Variants in CYTH2 observed in about 807,000 individuals in gnomAD.
CYTH2 encodes the protein cytohesin-2.
In CYTH2, 24 loss-of-function variants were observed where a neutral mutation model predicts 55.4. The ratio of observed to expected loss-of-function variants is 0.43; its 90% CI spans 0.31 to 0.61. The LOEUF is 0.61. CYTH2 is among the 20% of genes least tolerant of loss of function. The pLI, the probability that CYTH2 is intolerant of heterozygous loss-of-function variation, is 0.08. For missense variants in CYTH2, 378 were observed against 533.5 expected (o/e 0.71, Z 2.87); for synonymous variants, 221 against 209.6 (o/e 1.05, Z -0.47).
At chr19:48,475,785 G>A (rs1370666243) in intron 8 of CYTH2, 2 of 220,274 alleles carry the variant, frequency 9.1e-6, no homozygotes, top group South Asian at 4.4e-5. Flanking sequence ...TAAGCTCCTC[G>A]GGTGCTCCCA....
chr19:48,478,840 A>G (rs1328911453), intron 11 of CYTH2, among the ~76,000 whole-genome samples: 2 of 68,986 alleles, frequency 2.9e-5, no homozygotes, highest in African/African-American at 1.0e-4. Context: ...CTGACGGAGG[A>G]GGGGCCGGGG....
At chr19:48,472,241 T>C (rs1971812487) in intron 3 of CYTH2, 84 bp from the exon 4 acceptor site, 1 of 1,190,920 alleles carries the variant, frequency 8.4e-7, no homozygotes, top group Non-Finnish European at 1.2e-6. Context: ...AGGGTGGGGG[T>C]AGGTCTGGAT....
At chr19:48,476,253 TATA>T in intron 8 of CYTH2, 1 of 225,418 alleles carries the variant, frequency 4.4e-6, no homozygotes. Context: ...ACCTGGGCAA[TATA>T]ATGATACCCC....
rs777666067 is a variant in CYTH2, at chr19:48,478,284, C to T, written c.895C>T (p.Pro299Ser). ...YYFEYTTDKE[P>S]RGIIPLENLS... ...CACCTTGCTTCTTCAGGACAAGGAG[C>T]CCCGAGGAATCATCCCCCTGGAGAA... is the stretch of plus-strand genomic sequence containing the variant. Residue 299 changes from proline to serine, a missense_variant, in exon 10 of 12, where the codon CCC (proline) becomes TCC (serine). Pro to Ser is a moderately conservative substitution (Grantham distance 74, BLOSUM62 -1). Coordinates refer to ENST00000452733, the MANE Select transcript of CYTH2 (RefSeq NM_004228.7). The T allele has an allele frequency of 6.2e-7, 1 of 1,613,664 alleles. No homozygotes were observed. Among genetic ancestry groups the T allele is most frequent in the South Asian group, 1.1e-5 (1 of 91,066 alleles).
In CYTH2 at chr19:48,479,634, G is replaced by T. The variant is rs1972011855; in HGVS notation, c.*424G>T. 1.1e-5 allele frequency: 2 copies of T among 184,372 alleles called. No homozygotes were observed. The highest frequency in any genetic ancestry group is 2.3e-5 in the African/African-American group (1 of 42,804). 11.4% of individuals were successfully genotyped at this position (184,372 alleles called of 1,614,324 possible). ...TAGAATGCAGGGATTCAGGGTCAAG[G>T]TCTAGCATTCATTCTAGAAGTTACT... On this transcript the variant is annotated 3_prime_UTR_variant, in exon 12 of 12. Transcript: ENST00000452733.
At chr19:48,469,633 C>A in intron 1 of CYTH2, 107 bp downstream of exon 1, 1 of 1,344,852 alleles carries the variant, frequency 7.4e-7, no homozygotes, top group Non-Finnish European at 9.6e-7. Context: ...AAGCGTTCGG[C>A]TCAGTCGTAG....
rs1972013303 is a variant in CYTH2 at position 48,479,723 on chromosome 19, T to A, written c.*513T>A. 6.3e-6 allele frequency: 1 copy of A among 158,184 alleles called. No homozygotes were observed. The allele number at this position is 158,184 out of a possible 1,614,324, so 9.8% of individuals were successfully genotyped here. A position where few individuals can be genotyped will look rare whatever the true frequency, so the allele number is the denominator to read the frequency against. On this transcript the variant is annotated 3_prime_UTR_variant, in exon 12 of 12. Transcript: ENST00000452733. Reference sequence around the variant, plus strand: ...GTTCCCATCGTTGCTTTCATGGGGCTTGAGGTCTTTGAGGGGCAGGAGATG... The same window carrying A: ...GTTCCCATCGTTGCTTTCATGGGGCATGAGGTCTTTGAGGGGCAGGAGATG...
At position 48,472,550 on chromosome 19, in the gene CYTH2, C is replaced by G. The variant is rs79525710; in HGVS notation, c.353+107C>G. 1.1e-5 allele frequency: 10 copies of G among 894,726 alleles called. 1 individual carries two copies. In the South Asian group the frequency reaches 1.3e-4, roughly 11 times the overall value. 55.4% of individuals were successfully genotyped at this position (894,726 alleles called of 1,614,324 possible). On this transcript the variant is annotated intron_variant, in intron 4 of 11. Coordinates refer to ENST00000452733, the MANE Select transcript of CYTH2 (RefSeq NM_004228.7). Reference sequence around the variant, plus strand: ...AGGTGGAACAGCCCTGCAGCCTCCCCGCAGAGGGGCCCTGGCAGATCAGCC... The same window carrying G: ...AGGTGGAACAGCCCTGCAGCCTCCCGGCAGAGGGGCCCTGGCAGATCAGCC...
chr19:48,472,896 C>G (rs1280358134), intron 4 of CYTH2: 1 of 308,188 alleles, frequency 3.2e-6, no homozygotes, highest in African/African-American at 2.2e-5. Flanking sequence ...TGGAGGCCAT[C>G]TGTGGACGTC....
At chr19:48,475,278 T>G in intron 8 of CYTH2, 2 of 299,858 alleles carry the variant, frequency 6.7e-6, no homozygotes, top group Non-Finnish European at 1.2e-5. Flanking sequence ...CACTCAGGCT[T>G]CTTTCCACTG....
Position 48,474,383 on chromosome 19 carries a change from C to A in CYTH2, c.696+53C>A. On this transcript the variant is annotated intron_variant, in intron 7 of 11. Coordinates refer to ENST00000452733, the MANE Select transcript of CYTH2 (RefSeq NM_004228.7). This position sits in a 1 kb window ranked among gnomAD's most constrained non-coding sequence, Gnocchi z 4.9. The stretch of plus-strand genomic sequence containing the variant: ...CCTGCCCCTCTTCCTGCCACAGACA[C>A]CCCCGCCCCACCTGTGGTCTCCTAG... 1 of 1,522,952 alleles carries A rather than the reference C, an allele frequency of 6.6e-7. No homozygotes were observed. The highest frequency in any genetic ancestry group is 2.1e-5 in the Admixed American group (1 of 47,954). The allele number at this position is 1,522,952 out of a possible 1,614,324, so 94.3% of individuals were successfully genotyped here. A position where few individuals can be genotyped will look rare whatever the true frequency, so the allele number is the denominator to read the frequency against.
chr19:48,476,942 C>T (rs1319748883), intron 8 of CYTH2: 1 of 152,258 alleles, frequency 6.6e-6, no homozygotes, highest in Non-Finnish European at 1.5e-5. Flanking sequence ...GAGGCTCACG[C>T]CTCAGTTTGG....
intron 1 of CYTH2, chr19:48,469,993 C>G: frequency 1.8e-6 from 1 of 562,466 alleles, no homozygotes; most frequent in Non-Finnish European, 3.5e-6. Flanking sequence ...AGGTCCCCAG[C>G]TACCTCGCCA....
At chr19:48,472,471 G>GCCCCCCCCCCCCCCCCCCCCCCCC in intron 4 of CYTH2, 28 bp downstream of exon 4, 5 of 1,584,672 alleles carry the variant, frequency 3.2e-6, no homozygotes, top group Non-Finnish European at 3.4e-6. Flanking sequence ...CTCCTGTGGG[G>GCCCCCCCCCCCCCCCCCCCCCCCC]CCCCTCCCTC....
chr19:48,478,182 C>G, intron 9 of CYTH2, 37 bp downstream of exon 9: 1 of 1,612,334 alleles, frequency 6.2e-7, no homozygotes, highest in South Asian at 1.1e-5. Context: ...GGGTCCTGGG[C>G]GGAGTGGCTG....
chr19:48,473,445 A>G, intron 5 of CYTH2, 67 bp downstream of exon 5: 1 of 1,512,354 alleles, frequency 6.6e-7, no homozygotes, highest in Non-Finnish European at 9.2e-7. Context: ...GTTACAAGTG[A>G]CAAACCTTAC....
chr19:48,474,209 T>C lies in CYTH2; in HGVS notation c.575T>C (p.Val192Ala), dbSNP rs1453638328. ...TDTCYVLSFA[V>A]IMLNTSLHNP... ...ACGTGCTATGTGCTGTCCTTCGCCG[T>C]CATCATGCTCAACACCAGTCTCCAC... The change falls in exon 7 of 12, where the codon GTC becomes GCC. Residue 192 changes from valine to alanine, a missense_variant. By Grantham distance (64) the Val-to-Ala change is moderately conservative. Transcript: ENST00000452733. The surrounding 1 kb of genome is among the most constrained non-coding windows in gnomAD (Gnocchi z 4.9). 1 of 1,608,806 alleles carries C rather than the reference T, an allele frequency of 6.2e-7. No individual in the cohort carries two copies. Among genetic ancestry groups the C allele is most frequent in the South Asian group, 1.1e-5 (1 of 90,294 alleles).
chr19:48,477,760 G>C, intron 8 of CYTH2: 1 of 421,224 alleles, frequency 2.4e-6, no homozygotes, highest in Non-Finnish European at 4.3e-6. Context: ...CACTAGACGA[G>C]GGGAGGGGGC....
chr19:48,478,945 G>C (rs1206859540), intron 11 of CYTH2, among the ~76,000 whole-genome samples, 178 bp from the exon 12 acceptor site: 10 of 137,374 alleles, frequency 7.3e-5, no homozygotes, highest in African/African-American at 1.7e-4. Context: ...CTGGGTCTGA[G>C]GGAGGAGGGG....
Sources: allele counts gnomAD v4.1 joint callset (sites outside exome capture counted in the v4.1 genomes callset), GRCh38; gene constraint gnomAD v4.1.1; non-coding constraint Gnocchi (gnomAD v3.1); transcripts MANE v1.5; gene names NCBI Gene and HGNC (gene_info 2026-07-23, HGNC 2026-07-21).